MIS18BP1: variants seen among roughly 807,000 people sequenced by gnomAD.
The protein encoded by MIS18BP1 is mis18-binding protein 1.
In MIS18BP1, 72 loss-of-function variants were observed where a neutral mutation model predicts 116.1. The ratio of observed to expected loss-of-function variants is 0.62; its 90% CI spans 0.51 to 0.75. MIS18BP1 has a LOEUF of 0.75. MIS18BP1 is among the 30% of genes least tolerant of loss of function. The pLI, the probability that MIS18BP1 is intolerant of heterozygous loss-of-function variation, is 0.00. For missense variants in MIS18BP1, 1,363 were observed against 1,303.2 expected (o/e 1.05, Z -0.71); for synonymous variants, 386 against 427.0 (o/e 0.90, Z 1.18).
chr14:45,235,296 G>A (rs1465339256), intron 6 of MIS18BP1, among the ~76,000 whole-genome samples: 1 of 151,598 alleles, frequency 6.6e-6, no homozygotes, highest in Non-Finnish European at 1.5e-5. Flanking sequence ...GAAAAGGACT[G>A]GCCACAGGAA....
intron 6 of MIS18BP1, 115 bp from the exon 7 acceptor site, chr14:45,232,935 G>C: frequency 3.4e-6 from 2 of 595,028 alleles, no homozygotes. Context: ...TATGTGCCAG[G>C]TACTATTATA....
chr14:45,238,988 C>A (rs1891500821), intron 4 of MIS18BP1, among the ~76,000 whole-genome samples: 1 of 152,074 alleles, frequency 6.6e-6, no homozygotes, highest in African/African-American at 2.4e-5. Context: ...ATAGGTAGGA[C>A]TTGGGGAAGT....
At chr14:45,211,137 C>T (rs545068641) in intron 13 of MIS18BP1, among the ~76,000 whole-genome samples, 30 of 152,272 alleles carry the variant, frequency 2.0e-4, no homozygotes, top group Admixed American at 3.9e-4. Context: ...TGTGAACCTC[C>T]GTTTCTTTAC....
intron 8 of MIS18BP1, 73 bp from the exon 9 acceptor site, chr14:45,227,887 A>T: frequency 6.8e-7 from 1 of 1,477,900 alleles, no homozygotes; most frequent in Admixed American, 1.8e-5. Flanking sequence ...ATGAAGAATT[A>T]ACTTTGACGC....
At chr14:45,221,453 A>C (rs1396061638) in intron 11 of MIS18BP1, among the ~76,000 whole-genome samples, 5 of 150,484 alleles carry the variant, frequency 3.3e-5, no homozygotes, top group Non-Finnish European at 4.4e-5. Context: ...AAATAAATAA[A>C]ATAAAATAAA....
intron 11 of MIS18BP1, among the ~76,000 whole-genome samples, chr14:45,222,365 T>G (rs911530063): frequency 2.0e-5 from 3 of 152,186 alleles, no homozygotes; most frequent in African/African-American, 7.2e-5. Flanking sequence ...ATGTTTGAAA[T>G]TATTTCTTTG....
chr14:45,248,897 T>C (rs1216231273), intron 1 of MIS18BP1, among the ~76,000 whole-genome samples: 1 of 152,094 alleles, frequency 6.6e-6, no homozygotes, highest in Non-Finnish European at 1.5e-5. Flanking sequence ...GTTATAATAT[T>C]AGCCGTTCAC....
At chr14:45,232,293 T>C (rs1445543058) in intron 7 of MIS18BP1, among the ~76,000 whole-genome samples, 1 of 151,512 alleles carries the variant, frequency 6.6e-6, no homozygotes, top group Non-Finnish European at 1.5e-5. Context: ...GGCGGGCGCC[T>C]GTAGTCCCAG....
At chr14:45,245,499 G>A (rs994421636) in intron 2 of MIS18BP1, among the ~76,000 whole-genome samples, 4 of 151,976 alleles carry the variant, frequency 2.6e-5, no homozygotes, top group African/African-American at 9.7e-5. Context: ...CGAGTAGCTG[G>A]GATTACAAGC....
chr14:45,216,372 T>C (rs1890818838), intron 13 of MIS18BP1, among the ~76,000 whole-genome samples: 1 of 152,206 alleles, frequency 6.6e-6, no homozygotes, highest in African/African-American at 2.4e-5. Context: ...TTTAAAAGAT[T>C]CTATAATTCA....
intron 12 of MIS18BP1, among the ~76,000 whole-genome samples, chr14:45,218,010 C>T (rs751023226): frequency 6.6e-6 from 1 of 151,908 alleles, no homozygotes; most frequent in Non-Finnish European, 1.5e-5. Context: ...TTAATTAAAC[C>T]CTTAGAACAA....
At chr14:45,246,275 T>A (rs1891719328) in intron 2 of MIS18BP1, among the ~76,000 whole-genome samples, 1 of 152,158 alleles carries the variant, frequency 6.6e-6, no homozygotes, top group African/African-American at 2.4e-5. Context: ...ATTTATCCCT[T>A]CCTTCTGAGC....
chr14:45,214,090 T>A (rs111407402), intron 13 of MIS18BP1, among the ~76,000 whole-genome samples: 2 of 152,166 alleles, frequency 1.3e-5, no homozygotes, highest in South Asian at 2.1e-4. Context: ...GCCTGAGATA[T>A]GGCCTCGTGG....
intron 13 of MIS18BP1, among the ~76,000 whole-genome samples, chr14:45,212,185 G>A (rs1890692235): frequency 6.6e-6 from 1 of 152,162 alleles, no homozygotes; most frequent in African/African-American, 2.4e-5. Context: ...TGGAGGCAGT[G>A]CACCATTTGT....
rs144752784 is a variant in MIS18BP1 at position 45,231,199 on chromosome 14, G to A, written c.1536C>T (p.Asn512=). The A allele has an allele frequency of 4.0e-4, 650 of 1,613,890 alleles. 1 individual carries two copies. The African/African-American group carries it at 7.8e-3, about 19-fold the overall frequency. Residue 512 remains asparagine, a synonymous_variant, in exon 8 of 17, where the codon AAC becomes AAT. Transcript: ENST00000310806. ...TGGCTCTTTGAGCAGTATCTGTTTGGTTTTCTCGTGCATCATTTTTCATTG... is the reference window on the plus strand; with the variant it reads ...TGGCTCTTTGAGCAGTATCTGTTTGATTTTCTCGTGCATCATTTTTCATTG... ...RKSMKNDARE[N]QTDTAQRATT... is the part of the protein sequence containing the mutation.
chr14:45,235,607 A>AC (rs1555372296), intron 6 of MIS18BP1, among the ~76,000 whole-genome samples: 1 of 151,618 alleles, frequency 6.6e-6, no homozygotes, highest in Non-Finnish European at 1.5e-5. Flanking sequence ...AAAAAAAAAA[A>AC]CAAAAACACA....
intron 6 of MIS18BP1, among the ~76,000 whole-genome samples, chr14:45,233,663 C>A (rs1363046602): frequency 1.3e-5 from 2 of 152,102 alleles, no homozygotes; most frequent in Non-Finnish European, 2.9e-5. Flanking sequence ...ATAGGATGTA[C>A]TGACACACAC....
At position 45,205,413 on chromosome 14, in the gene MIS18BP1, T is replaced by A. The variant is rs190522503; in HGVS notation, c.3240+670A>T. On this transcript the variant is annotated intron_variant, in intron 15 of 16. Transcript: ENST00000310806. ...GAAGATTAGCTACTTAGAGGAAATT[T>A]GAGATGAAATACTTTTTCCAGAATC... is the stretch of plus-strand genomic sequence containing the variant. 3.3e-5 allele frequency among the ~76,000 whole-genome samples: 5 copies of A among 152,198 alleles called. No individual in the cohort carries two copies. In the East Asian group the frequency reaches 9.7e-4, roughly 29 times the overall value.
intron 9 of MIS18BP1, 30 bp downstream of exon 9, chr14:45,227,633 T>C (rs1345198657): frequency 6.3e-7 from 1 of 1,576,008 alleles, no homozygotes; most frequent in African/African-American, 1.4e-5. Context: ...AATATCAACT[T>C]GAACTATACA....
Sources: allele counts gnomAD v4.1 joint callset (sites outside exome capture counted in the v4.1 genomes callset), GRCh38; gene constraint gnomAD v4.1.1; transcripts MANE v1.5; gene names NCBI Gene and HGNC (gene_info 2026-07-23, HGNC 2026-07-21).